Variants in BTBD1 observed in about 807,000 individuals in gnomAD.
BTBD1 encodes the protein BTB/POZ domain-containing protein 1.
A neutral mutation model predicts 48.0 loss-of-function variants in BTBD1; 34 were observed. That is an observed-to-expected ratio of 0.71 (90% CI 0.54 to 0.94). The LOEUF is 0.94. BTBD1 is among the 40% of genes least tolerant of loss of function. The probability of loss-of-function intolerance (pLI) is 0.00; values close to 1 mark genes in which losing one functional copy is unlikely to be tolerated. For synonymous variants in BTBD1, 261 were observed against 242.1 expected (o/e 1.08, Z -0.72); for missense variants, 543 against 625.6 (o/e 0.87, Z 1.41).
intron 1 of BTBD1, among the ~76,000 whole-genome samples, chr15:83,065,081 G>C (rs1267602683): frequency 6.6e-6 from 1 of 152,162 alleles, no homozygotes; most frequent in Non-Finnish European, 1.5e-5. Flanking sequence ...TTTAGTGACT[G>C]CATTATATCT....
chr15:83,030,032 G>C, intron 5 of BTBD1, 104 bp downstream of exon 5: 1 of 1,047,154 alleles, frequency 9.5e-7, no homozygotes, highest in Non-Finnish European at 1.5e-6. Flanking sequence ...ATTAAATGAA[G>C]TATAAAATGA....
Position 83,045,770 on chromosome 15 carries a change from T to C in BTBD1, c.665-3845A>G, listed in dbSNP as rs564154315. The stretch of plus-strand genomic sequence containing the variant: ...CCTTTCATAAGTAAATTAAATGCAA[T>C]CAATATGACACAACCATTTGATGGA... On this transcript the variant is annotated intron_variant, in intron 3 of 7. Transcript: ENST00000261721. Among the ~76,000 whole-genome samples, 55 of 152,152 alleles carry C rather than the reference T, an allele frequency of 3.6e-4. 1 individual carries two copies. The South Asian group carries it at 7.7e-3, about 21-fold the overall frequency.
At chr15:83,044,448 G>C in intron 3 of BTBD1, 1 of 1,575,706 alleles carries the variant, frequency 6.3e-7, no homozygotes, top group Non-Finnish European at 8.7e-7. Context: ...AGGAGGAGGA[G>C]TGGGAACTGC....
intron 5 of BTBD1, among the ~76,000 whole-genome samples, chr15:83,024,763 C>A (rs553740359): frequency 6.6e-6 from 1 of 152,070 alleles, no homozygotes; most frequent in African/African-American, 2.4e-5. Context: ...TGCCACCATG[C>A]TGAATTTTTG....
Position 83,057,801 on chromosome 15 carries a change from C to T in BTBD1, c.402-1256G>A, listed in dbSNP as rs192847918. On this transcript the variant is annotated intron_variant, in intron 1 of 7. Transcript: ENST00000261721. ...CCTTATATGTCAGATGATTAAACTCCGTCTCCAACTTCACTATTCTAAGCA... is the reference window on the plus strand; with the variant it reads ...CCTTATATGTCAGATGATTAAACTCTGTCTCCAACTTCACTATTCTAAGCA... Among the ~76,000 whole-genome samples the T allele has an allele frequency of 1.1e-3, 175 of 152,334 alleles. 2 individuals are homozygous for T. Among genetic ancestry groups the T allele is most frequent in the Admixed American group, 2.9e-3 (44 of 15,310 alleles).
rs2033215507 is a variant in BTBD1 at position 83,063,831 on chromosome 15, G to A, written c.401+2920C>T. Among the ~76,000 whole-genome samples, 3 of 152,116 alleles carry A rather than the reference G, an allele frequency of 2.0e-5. No homozygotes were observed. The South Asian group carries it at 6.2e-4, about 31-fold the overall frequency. On this transcript the variant is annotated intron_variant, in intron 1 of 7. Coordinates refer to ENST00000261721, the MANE Select transcript of BTBD1 (RefSeq NM_025238.4). ...AGATACTTAGTGCCGAAAACAATGC[G>A]TTCCCTTGCTGAGAATGTTCCTTCT...
chr15:83,017,064 CACTG>C lies in BTBD1; in HGVS notation c.*999_*1002del, dbSNP rs749293598. The stretch of plus-strand genomic sequence containing the variant: ...CTTCCTATCCCCAACACAGCTGTAA[CACTG>C]ACTAATGGGGTCATGACCATGAAGC... On this transcript the variant is annotated 3_prime_UTR_variant, in exon 8 of 8. Transcript: ENST00000261721. 2 of 152,620 alleles carry C rather than the reference CACTG, an allele frequency of 1.3e-5. No individual in the cohort carries two copies. The highest frequency in any genetic ancestry group is 2.4e-5 in the African/African-American group (1 of 41,450). 9.5% of individuals were successfully genotyped at this position (152,620 alleles called of 1,614,324 possible).
intron 1 of BTBD1, among the ~76,000 whole-genome samples, chr15:83,064,583 C>T (rs2033229140): frequency 6.6e-6 from 1 of 151,942 alleles, no homozygotes. Flanking sequence ...TAAAAAATTG[C>T]CCCAAAATAG....
chr15:83,064,015 C>T (rs937673684), intron 1 of BTBD1, among the ~76,000 whole-genome samples: 1 of 152,140 alleles, frequency 6.6e-6, no homozygotes, highest in Non-Finnish European at 1.5e-5. Flanking sequence ...GTTTCACAAG[C>T]GCCCCAAAAG....
At chr15:83,039,984 GACACACACAC>G (rs34590396) in intron 4 of BTBD1, among the ~76,000 whole-genome samples, 34 of 146,210 alleles carry the variant, frequency 2.3e-4, no homozygotes, top group African/African-American at 7.5e-4. Context: ...TAGAGAATGT[GACACACACAC>G]ACACACACAC....
chr15:83,016,573 C>T lies in BTBD1; in HGVS notation c.*1494G>A, dbSNP rs987422083. ...GATGAGGCATTTAAAAGGTCTCCAA[C>T]GTCAAGAAACACTAACTCATCTCTG... On this transcript the variant is annotated 3_prime_UTR_variant, in exon 8 of 8. Coordinates refer to ENST00000261721, the MANE Select transcript of BTBD1 (RefSeq NM_025238.4). 6.6e-5 allele frequency: 10 copies of T among 151,968 alleles called. No individual in the cohort carries two copies. Among genetic ancestry groups the T allele is most frequent in the African/African-American group, 2.2e-4 (9 of 41,364 alleles). 9.4% of individuals were successfully genotyped at this position (151,968 alleles called of 1,614,324 possible). A position where few individuals can be genotyped will look rare whatever the true frequency, so the allele number is the denominator to read the frequency against.
intron 4 of BTBD1, among the ~76,000 whole-genome samples, chr15:83,036,686 A>G (rs557146801): frequency 5.3e-5 from 8 of 152,354 alleles, no homozygotes; most frequent in Non-Finnish European, 8.8e-5. Flanking sequence ...AGTAAAATGG[A>G]TAAATCATGG....
intron 5 of BTBD1, among the ~76,000 whole-genome samples, chr15:83,023,457 G>A (rs905383765): frequency 1.3e-5 from 2 of 152,138 alleles, no homozygotes; most frequent in Admixed American, 1.3e-4. Flanking sequence ...ATGGCTCACT[G>A]CAGCCTCAAC....
intron 1 of BTBD1, among the ~76,000 whole-genome samples, chr15:83,057,447 T>A (rs530794133): frequency 6.6e-6 from 1 of 152,170 alleles, no homozygotes; most frequent in East Asian, 1.9e-4. Flanking sequence ...ACAAAAAAAA[T>A]TGCCTCAGTA....
intron 3 of BTBD1, among the ~76,000 whole-genome samples, chr15:83,043,412 T>C (rs2032807508): frequency 6.6e-6 from 1 of 152,128 alleles, no homozygotes; most frequent in African/African-American, 2.4e-5. Context: ...CAGCACCCTG[T>C]AGATCATTTG....
intron 4 of BTBD1, among the ~76,000 whole-genome samples, chr15:83,039,166 G>T (rs1192434766): frequency 7.3e-5 from 11 of 150,494 alleles, no homozygotes; most frequent in African/African-American, 2.4e-4. Flanking sequence ...GATCTACAGG[G>T]AATTTTAACA....
intron 4 of BTBD1, among the ~76,000 whole-genome samples, chr15:83,037,680 C>G (rs563918711): frequency 2.1e-4 from 32 of 152,260 alleles, no homozygotes; most frequent in African/African-American, 7.5e-4. Flanking sequence ...ACTGGTAGTC[C>G]CAGCCAGAGC....
At chr15:83,034,080 C>T (rs1343659118) in intron 4 of BTBD1, among the ~76,000 whole-genome samples, 2 of 129,334 alleles carry the variant, frequency 1.5e-5, no homozygotes, top group Non-Finnish European at 3.2e-5. Context: ...AGAGGAGACA[C>T]TGTCTACACC....
At chr15:83,018,630 G>A in intron 7 of BTBD1, 77 bp downstream of exon 7, 2 of 1,522,166 alleles carry the variant, frequency 1.3e-6, no homozygotes, top group Non-Finnish European at 1.8e-6. Context: ...TCAGCTGTCA[G>A]TGACTCTCAG....
Sources: allele counts gnomAD v4.1 joint callset (sites outside exome capture counted in the v4.1 genomes callset), GRCh38; gene constraint gnomAD v4.1.1; transcripts MANE v1.5; gene names NCBI Gene and HGNC (gene_info 2026-07-23, HGNC 2026-07-21).